The following ECT2 variants were observed in gnomAD, a reference collection of about 807,000 sequenced individuals.
The protein encoded by ECT2 is protein ECT2.
In ECT2, 61 loss-of-function variants were observed where a neutral mutation model predicts 116.9. That is an observed-to-expected ratio of 0.52 (90% CI 0.42 to 0.65). The LOEUF (loss-of-function observed/expected upper bound fraction) is 0.65, where lower values mean the gene tolerates loss of function less well. Ranked by LOEUF, ECT2 falls within the 30% of genes least tolerant of loss-of-function variation. The pLI, the probability that ECT2 is intolerant of heterozygous loss-of-function variation, is 0.00. For synonymous variants in ECT2, 358 were observed against 346.4 expected (o/e 1.03, Z -0.37); for missense variants, 937 against 1,078.7 (o/e 0.87, Z 1.84).
intron 14 of ECT2, among the ~76,000 whole-genome samples, chr3:172,774,612 C>T (rs1721317334): frequency 1.3e-5 from 2 of 152,130 alleles, no homozygotes; most frequent in Admixed American, 1.3e-4. Context: ...ACCTCAGCCT[C>T]TCCCGAAGTA....
chr3:172,770,526 G>A (rs1335553790), intron 13 of ECT2, among the ~76,000 whole-genome samples: 1 of 152,036 alleles, frequency 6.6e-6, no homozygotes, highest in East Asian at 1.9e-4. Flanking sequence ...TTTTTATACA[G>A]ATGGGGTCTT....
intron 22 of ECT2, among the ~76,000 whole-genome samples, chr3:172,811,592 G>A (rs1728776082): frequency 6.6e-6 from 1 of 152,100 alleles, no homozygotes; most frequent in Admixed American, 6.5e-5. Context: ...TTAATACTTA[G>A]TCATAGTTAA....
intron 22 of ECT2, among the ~76,000 whole-genome samples, chr3:172,813,428 T>C (rs1184102673): frequency 6.6e-6 from 1 of 152,060 alleles, no homozygotes; most frequent in Non-Finnish European, 1.5e-5. Context: ...AGAGTATAGG[T>C]TGAAGCAGTA....
At chr3:172,808,069 GT>G in intron 22 of ECT2, 145 bp downstream of exon 22, 2 of 814,522 alleles carry the variant, frequency 2.5e-6, no homozygotes, top group Non-Finnish European at 1.8e-6. Context: ...GTAATAAGTT[GT>G]TTTAGAAAAT....
At chr3:172,760,450 T>TC (rs1718023356) in intron 7 of ECT2, among the ~76,000 whole-genome samples, 187 bp downstream of exon 7, 1 of 152,116 alleles carries the variant, frequency 6.6e-6, no homozygotes, top group Admixed American at 6.5e-5. Flanking sequence ...TCTTTTCTTT[T>TC]CTTTTTTTTT....
At chr3:172,781,132 AT>A (rs1170396972) in intron 14 of ECT2, among the ~76,000 whole-genome samples, 4 of 152,162 alleles carry the variant, frequency 2.6e-5, no homozygotes, top group Non-Finnish European at 5.9e-5. Context: ...ATCTAATTTT[AT>A]ATTAATTCAC....
intron 12 of ECT2, among the ~76,000 whole-genome samples, chr3:172,767,762 C>T (rs933294352): frequency 6.8e-6 from 1 of 147,938 alleles, no homozygotes; most frequent in South Asian, 2.1e-4. Flanking sequence ...GGTCGCCAGG[C>T]TGGAGTGTGG....
At chr3:172,818,745 A>C (rs1395751437) in intron 24 of ECT2, 1 of 1,287,340 alleles carries the variant, frequency 7.8e-7, no homozygotes, top group African/African-American at 1.5e-5. Flanking sequence ...TTTCCAAGTC[A>C]TCTTTGACAT....
chr3:172,786,242 A>T (rs908857155), intron 17 of ECT2, among the ~76,000 whole-genome samples: 1 of 152,194 alleles, frequency 6.6e-6, no homozygotes, highest in East Asian at 1.9e-4. Flanking sequence ...CCCAAGCATT[A>T]CTTGAAGGGA....
intron 1 of ECT2, 181 bp from the exon 2 acceptor site, chr3:172,754,328 T>C: frequency 2.1e-6 from 1 of 471,594 alleles, no homozygotes; most frequent in Non-Finnish European, 3.7e-6. Context: ...GAGTCAGGTA[T>C]TAGTATGTTT....
At chr3:172,762,870 A>C in intron 10 of ECT2, 40 bp from the exon 11 acceptor site, 6 of 1,611,292 alleles carry the variant, frequency 3.7e-6, no homozygotes, top group Non-Finnish European at 5.1e-6. Context: ...TGATAAAATA[A>C]ATGTAAACTG....
chr3:172,756,326 C>T (rs994377085), intron 4 of ECT2, among the ~76,000 whole-genome samples: 6 of 152,022 alleles, frequency 3.9e-5, no homozygotes, highest in Non-Finnish European at 8.8e-5. Context: ...ACACGAGTTA[C>T]AAGAGTTATA....
At chr3:172,775,835 T>C (rs1008404394) in intron 14 of ECT2, among the ~76,000 whole-genome samples, 10 of 152,186 alleles carry the variant, frequency 6.6e-5, no homozygotes, top group African/African-American at 2.4e-4. Context: ...GATTCTGCCA[T>C]GCTGACCAGG....
Position 172,764,423 on chromosome 3 carries a change from C to T in ECT2, c.1214C>T (p.Pro405Leu), listed in dbSNP as rs1163586262. ...DVSPFPPRKR[P>L]SAEHSLSIGS... ...TCACCATTTCCACCCCGTAAGCGCC[C>T]ATCAGCTGAGCATTCCCTTTCCATA... The change falls in exon 12 of 25, where the codon CCA becomes CTA. Residue 405 changes from proline (P) to leucine (L), a missense_variant. By Grantham distance (98) the Pro-to-Leu change is moderately conservative (BLOSUM62 -3). Transcript: ENST00000392692. 1 of 1,614,060 alleles carries T rather than the reference C, an allele frequency of 6.2e-7. No individual in the cohort carries two copies. The highest frequency in any genetic ancestry group is 1.3e-5 in the African/African-American group (1 of 74,934).
intron 8 of ECT2, 83 bp from the exon 9 acceptor site, chr3:172,762,333 A>C (rs1718464542): frequency 7.2e-7 from 1 of 1,395,402 alleles, no homozygotes; most frequent in Admixed American, 2.4e-5. Context: ...AGACCTTGAA[A>C]ATTACTGTAG....
intron 22 of ECT2, among the ~76,000 whole-genome samples, chr3:172,813,086 A>G (rs1729061295): frequency 6.6e-6 from 1 of 152,142 alleles, no homozygotes; most frequent in African/African-American, 2.4e-5. Context: ...GATTACCTAG[A>G]TAGTTCACAA....
intron 14 of ECT2, among the ~76,000 whole-genome samples, chr3:172,779,247 A>G (rs1342507161): frequency 6.6e-6 from 1 of 152,168 alleles, no homozygotes. Flanking sequence ...TCACTGCATT[A>G]TATTGCCCCA....
At chr3:172,802,788 C>A (rs1726960049) in intron 19 of ECT2, 73 bp from the exon 20 acceptor site, 13 of 1,534,974 alleles carry the variant, frequency 8.5e-6, no homozygotes, top group Non-Finnish European at 1.1e-5. Flanking sequence ...GCACTACTTT[C>A]TTTTAAATTA....
At chr3:172,778,393 GA>G (rs2108606205) in intron 14 of ECT2, among the ~76,000 whole-genome samples, 1 of 152,162 alleles carries the variant, frequency 6.6e-6, no homozygotes, top group East Asian at 1.9e-4. Flanking sequence ...GTGGTATTAT[GA>G]ATAAAGCTAC....
Sources: allele counts gnomAD v4.1 joint callset (sites outside exome capture counted in the v4.1 genomes callset), GRCh38; gene constraint gnomAD v4.1.1; transcripts MANE v1.5; gene names NCBI Gene and HGNC (gene_info 2026-07-23, HGNC 2026-07-21).